The following SAMD3 variants were observed in gnomAD, a reference collection of about 807,000 sequenced individuals.
SAMD3 encodes sterile alpha motif domain-containing protein 3.
In SAMD3, 63 loss-of-function variants were observed where a neutral mutation model predicts 58.5. The observed-to-expected ratio is 1.08, with a 90% confidence interval of 0.88 to 1.33. SAMD3 has a LOEUF of 1.33. SAMD3 is among the 40% of genes most tolerant of loss of function. The pLI is 0.00. For synonymous variants in SAMD3, 220 were observed against 210.3 expected (o/e 1.05, Z -0.40); for missense variants, 604 against 608.4 (o/e 0.99, Z 0.08).
chr6:130,206,267 A>G (rs1795072833), intron 5 of SAMD3, among the ~76,000 whole-genome samples: 1 of 152,182 alleles, frequency 6.6e-6, no homozygotes, highest in African/African-American at 2.4e-5. Context: ...TATAGGGAGC[A>G]TTTCCTTTGG....
chr6:130,341,504 C>T (rs1169155950), intron 1 of SAMD3, among the ~76,000 whole-genome samples: 1 of 152,140 alleles, frequency 6.6e-6, no homozygotes, highest in Admixed American at 6.5e-5. Context: ...AGTTGAAGCC[C>T]ACTCCAGCTT....
At chr6:130,152,515 A>G (rs1789308014) in intron 9 of SAMD3, among the ~76,000 whole-genome samples, 1 of 151,950 alleles carries the variant, frequency 6.6e-6, no homozygotes, top group Non-Finnish European at 1.5e-5. Context: ...CATCTCTACT[A>G]AAAATATAAA....
chr6:130,349,660 A>T (rs1480889770), intron 1 of SAMD3, among the ~76,000 whole-genome samples: 1 of 152,212 alleles, frequency 6.6e-6, no homozygotes, highest in Non-Finnish European at 1.5e-5. Flanking sequence ...AGCTGGTACC[A>T]TTCCTTCTGA....
intron 1 of SAMD3, among the ~76,000 whole-genome samples, chr6:130,323,321 A>G (rs1245026391): frequency 2.0e-5 from 3 of 152,120 alleles, no homozygotes; most frequent in South Asian, 2.1e-4. Context: ...TCCCTGTGAG[A>G]TGCTCTTGGC....
rs146712108 is a variant in SAMD3 at position 130,177,546 on chromosome 6, C to T, written c.655-1538G>A. Among the ~76,000 whole-genome samples, 416 of 152,258 alleles carry T rather than the reference C, an allele frequency of 2.7e-3. 6 individuals carry two copies. Among genetic ancestry groups the T allele is most frequent in the African/African-American group, 9.7e-3 (401 of 41,536 alleles). On this transcript the variant is annotated intron_variant, in intron 7 of 11. Transcript: ENST00000439090. ...TGGTATGTAGTTAACCCTTGCTTTGCCTTCAGGTCTCAGCTTAGCCTGTGC... is the reference window on the plus strand; with the variant it reads ...TGGTATGTAGTTAACCCTTGCTTTGTCTTCAGGTCTCAGCTTAGCCTGTGC...
chr6:130,281,375 G>A (rs909689200), intron 2 of SAMD3, among the ~76,000 whole-genome samples: 2 of 152,134 alleles, frequency 1.3e-5, no homozygotes, highest in Non-Finnish European at 2.9e-5. Flanking sequence ...CATCAGATGT[G>A]CACCACTGGG....
intron 2 of SAMD3, among the ~76,000 whole-genome samples, chr6:130,274,490 G>T (rs1774702260): frequency 2.0e-5 from 3 of 152,142 alleles, no homozygotes; most frequent in African/African-American, 7.2e-5. Context: ...ATACAGCTTA[G>T]GGTGGGCTGC....
At chr6:130,260,819 G>A (rs762301380) in intron 2 of SAMD3, among the ~76,000 whole-genome samples, 4 of 152,236 alleles carry the variant, frequency 2.6e-5, no homozygotes, top group East Asian at 1.9e-4. Flanking sequence ...GAGGATCAAC[G>A]CAGTGGCTGA....
At chr6:130,237,138 T>C (rs1294397960) in intron 2 of SAMD3, among the ~76,000 whole-genome samples, 6 of 152,224 alleles carry the variant, frequency 3.9e-5, no homozygotes, top group Non-Finnish European at 7.3e-5. Flanking sequence ...AAAATGTTTT[T>C]TCTATCTTCA....
At chr6:130,312,107 T>C (rs1034717348) in intron 2 of SAMD3, among the ~76,000 whole-genome samples, 3 of 152,216 alleles carry the variant, frequency 2.0e-5, no homozygotes, top group Non-Finnish European at 2.9e-5. Context: ...AAATTCTTGC[T>C]TCTGTGGCTT....
At chr6:130,146,841 C>T (rs1788674584) in intron 9 of SAMD3, among the ~76,000 whole-genome samples, 1 of 152,012 alleles carries the variant, frequency 6.6e-6, no homozygotes, top group African/African-American at 2.4e-5. Flanking sequence ...GGCATGGCAA[C>T]ATACGTGTAT....
intron 8 of SAMD3, among the ~76,000 whole-genome samples, chr6:130,168,258 A>G (rs1381154074): frequency 6.6e-6 from 1 of 152,102 alleles, no homozygotes; most frequent in Non-Finnish European, 1.5e-5. Context: ...ACTTGGCAAA[A>G]CCCCATCTTT....
At chr6:130,246,694 C>G (rs901971142) in intron 2 of SAMD3, among the ~76,000 whole-genome samples, 1 of 152,050 alleles carries the variant, frequency 6.6e-6, no homozygotes, top group African/African-American at 2.4e-5. Flanking sequence ...AGTTCAAGAC[C>G]AATCTGGCCA....
chr6:130,151,809 T>C (rs917825204), intron 9 of SAMD3, among the ~76,000 whole-genome samples: 18 of 152,212 alleles, frequency 1.2e-4, no homozygotes, highest in Non-Finnish European at 2.4e-4. Flanking sequence ...GAGATGATGA[T>C]TGAAATTGTT....
At chr6:130,161,836 T>C (rs1001388501) in intron 8 of SAMD3, 1 of 155,954 alleles carries the variant, frequency 6.4e-6, no homozygotes, top group Non-Finnish European at 1.4e-5. Flanking sequence ...CAGTGCACGT[T>C]GAAATGAGGC....
intron 2 of SAMD3, among the ~76,000 whole-genome samples, chr6:130,256,573 A>T (rs547780727): frequency 6.6e-6 from 1 of 152,218 alleles, no homozygotes; most frequent in East Asian, 1.9e-4. Flanking sequence ...GTATTGCTGC[A>T]TGTCATTCCA....
intron 7 of SAMD3, 119 bp from the exon 8 acceptor site, chr6:130,176,127 T>C (rs765033419): frequency 1.3e-6 from 1 of 793,698 alleles, no homozygotes; most frequent in South Asian, 1.5e-5. Context: ...TATTTTCACA[T>C]CATGGTAATA....
intron 2 of SAMD3, among the ~76,000 whole-genome samples, chr6:130,311,490 C>T (rs9492533): frequency 0.094 from 14,311 of 152,000 alleles, 2,243 homozygotes; most frequent in African/African-American, 0.32. Context: ...ATTTTACAGG[C>T]GTGAGGACCC....
chr6:130,311,984 C>G (rs7759980), intron 2 of SAMD3, among the ~76,000 whole-genome samples: 1 of 151,938 alleles, frequency 6.6e-6, no homozygotes, highest in African/African-American at 2.4e-5. Context: ...GCTTCTCCCC[C>G]GCCCCCACTT....
Sources: allele counts gnomAD v4.1 joint callset (sites outside exome capture counted in the v4.1 genomes callset), GRCh38; gene constraint gnomAD v4.1.1; transcripts MANE v1.5; gene names NCBI Gene and HGNC (gene_info 2026-07-23, HGNC 2026-07-21).